The following MTUS1 variants were observed in gnomAD, a reference collection of about 807,000 sequenced individuals.
The protein encoded by MTUS1 is microtubule-associated tumor suppressor 1.
Under a neutral mutation model 120.8 loss-of-function variants are expected in MTUS1, and 109 were observed. The ratio of observed to expected loss-of-function variants is 0.90; its 90% CI spans 0.77 to 1.06. MTUS1 has a LOEUF of 1.06. MTUS1 is among the 50% of genes least tolerant of loss of function. MTUS1 has a pLI of 0.00. For missense variants in MTUS1, 2,210 were observed against 1,486.3 expected (o/e 1.49, Z -8.01); for synonymous variants, 737 against 550.5 (o/e 1.34, Z -4.74).
chr8:17,774,934 A>G (rs898846412), intron 1 of MTUS1, among the ~76,000 whole-genome samples: 9 of 146,758 alleles, frequency 6.1e-5, no homozygotes, highest in African/African-American at 2.2e-4. Context: ...ATTCTGTTAC[A>G]TGCTGCAACA....
chr8:17,668,214 T>A (rs1271710310), intron 8 of MTUS1, among the ~76,000 whole-genome samples: 2 of 152,226 alleles, frequency 1.3e-5, no homozygotes, highest in Non-Finnish European at 2.9e-5. Context: ...TTATGAGATG[T>A]GTGAATTTTT....
At chr8:17,774,205 C>G (rs2050228509) in intron 1 of MTUS1, among the ~76,000 whole-genome samples, 2 of 152,216 alleles carry the variant, frequency 1.3e-5, no homozygotes, top group Non-Finnish European at 2.9e-5. Flanking sequence ...AGGCTGGCCT[C>G]CAATCTGAAA....
chr8:17,659,987 T>C (rs1352293088), intron 8 of MTUS1, among the ~76,000 whole-genome samples: 6 of 152,274 alleles, frequency 3.9e-5, no homozygotes, highest in Admixed American at 2.0e-4. Context: ...ACTTGTCCTG[T>C]TGTGACTGTT....
At chr8:17,747,876 G>A (rs1000731107) in intron 2 of MTUS1, among the ~76,000 whole-genome samples, 1 of 152,158 alleles carries the variant, frequency 6.6e-6, no homozygotes, top group Non-Finnish European at 1.5e-5. Flanking sequence ...GGAGGAGCAA[G>A]ACATGTCTTA....
chr8:17,754,322 T>C lies in MTUS1; in HGVS notation c.1486A>G (p.Lys496Glu). 6.2e-7 allele frequency: 1 copy of C among 1,614,168 alleles called. No individual in the cohort carries two copies. The highest frequency in any genetic ancestry group is 8.5e-7 in the Non-Finnish European group (1 of 1,180,028). Residue 496 changes from lysine to glutamate, a missense_variant, in exon 2 of 15, where the codon AAA (lysine) becomes GAA (glutamate). By Grantham distance (56) the Lys-to-Glu change is moderately conservative (BLOSUM62 1). Transcript: ENST00000693296. ...CTTGGGTAACTTATAATTTCAGTTT[T>C]TCTAACTTTGCAGCCTATTGGGGTA... ...TNTPIGCKVRKTEIISYPRPN... is the reference protein window; with the variant it reads ...TNTPIGCKVRETEIISYPRPN...
At chr8:17,722,575 A>T in intron 4 of MTUS1, 1 of 985,212 alleles carries the variant, frequency 1.0e-6, no homozygotes, top group Non-Finnish European at 1.2e-6. Context: ...TTACTCTCAT[A>T]TGAGTCCAGC....
intron 6 of MTUS1, chr8:17,697,289 C>A (rs1402225717): frequency 1.9e-6 from 3 of 1,613,894 alleles, no homozygotes; most frequent in Admixed American, 1.7e-5. Context: ...TCTCCTAAAC[C>A]CTGAAGGAAG....
At position 17,775,423 on chromosome 8, in the gene MTUS1, G is replaced by T. The variant is rs573585281; in HGVS notation, c.-154-19462C>A. 3.9e-5 allele frequency among the ~76,000 whole-genome samples: 6 copies of T among 152,124 alleles called. No homozygotes were observed. The South Asian group carries it at 8.3e-4, about 21-fold the overall frequency. On this transcript the variant is annotated intron_variant, in intron 1 of 14. Transcript: ENST00000693296. ...TTCAGGCTGCATCATGAGTATCTGA[G>T]ACCTCAAATGCTAAATCCTCAAATG... is the stretch of plus-strand genomic sequence containing the variant.
Position 17,643,840 on chromosome 8 carries a change from T to C in MTUS1, c.*2086A>G, listed in dbSNP as rs1373383342. ...CATTATTTATTTGATCAGAGTAAAA[T>C]ACACTTCCCATCACTACAAACTGAG... is the stretch of plus-strand genomic sequence containing the variant. On this transcript the variant is annotated 3_prime_UTR_variant, in exon 15 of 15. Transcript: ENST00000693296. 1.3e-5 allele frequency: 2 copies of C among 152,210 alleles called. No individual in the cohort carries two copies. The highest frequency in any genetic ancestry group is 2.9e-5 in the Non-Finnish European group (2 of 68,046). The allele number at this position is 152,210 out of a possible 1,614,324, so 9.4% of individuals were successfully genotyped here. A position where few individuals can be genotyped will look rare whatever the true frequency, so the allele number is the denominator to read the frequency against.
chr8:17,742,297 T>G (rs867179455), intron 3 of MTUS1, among the ~76,000 whole-genome samples: 2,562 of 142,220 alleles, frequency 0.018, 139 homozygotes, highest in African/African-American at 0.065. Flanking sequence ...TGTTGTTTTT[T>G]TTTTTTTTTT....
At chr8:17,668,103 CTTCA>C (rs1055457985) in intron 8 of MTUS1, among the ~76,000 whole-genome samples, 2 of 151,990 alleles carry the variant, frequency 1.3e-5, no homozygotes, top group African/African-American at 4.8e-5. Flanking sequence ...ACAAAATAAT[CTTCA>C]TTAATTTAGA....
At chr8:17,787,980 G>C (rs2051446004) in intron 1 of MTUS1, among the ~76,000 whole-genome samples, 1 of 152,180 alleles carries the variant, frequency 6.6e-6, no homozygotes, top group South Asian at 2.1e-4. Context: ...AATTAGCTGG[G>C]CGTGGTGGTG....
At chr8:17,756,558 C>T (rs1322087909) in intron 1 of MTUS1, among the ~76,000 whole-genome samples, 3 of 151,716 alleles carry the variant, frequency 2.0e-5, no homozygotes, top group East Asian at 1.9e-4. Flanking sequence ...AAAAAATTGT[C>T]GATTCTTAAA....
intron 6 of MTUS1, among the ~76,000 whole-genome samples, chr8:17,707,205 G>A (rs1398237995): frequency 6.6e-6 from 1 of 152,086 alleles, no homozygotes; most frequent in African/African-American, 2.4e-5. Context: ...ATCACAGTAG[G>A]GAGAAATCTA....
chr8:17,790,933 G>C (rs969713274), intron 1 of MTUS1, among the ~76,000 whole-genome samples: 3 of 152,116 alleles, frequency 2.0e-5, no homozygotes, highest in Non-Finnish European at 4.4e-5. Flanking sequence ...GTTGCAGTCA[G>C]CCGGATCGTA....
intron 12 of MTUS1, chr8:17,651,823 T>G (rs1018663426): frequency 6.6e-6 from 1 of 152,182 alleles, no homozygotes; most frequent in African/African-American, 2.4e-5. Context: ...ATCCCCTTTG[T>G]GTACCGGAAG....
At chr8:17,759,541 T>C (rs746011366) in intron 1 of MTUS1, among the ~76,000 whole-genome samples, 10 of 149,894 alleles carry the variant, frequency 6.7e-5, no homozygotes, top group Non-Finnish European at 1.3e-4. Context: ...CAAATTGCTA[T>C]ATTTAAAAAG....
intron 1 of MTUS1, among the ~76,000 whole-genome samples, chr8:17,795,946 C>CT (rs890022795): frequency 6.6e-5 from 10 of 150,522 alleles, no homozygotes; most frequent in African/African-American, 2.4e-4. Flanking sequence ...CAAGAACATT[C>CT]TTTTTTTCTG....
chr8:17,742,376 A>C (rs555571775), intron 3 of MTUS1, among the ~76,000 whole-genome samples: 1 of 148,876 alleles, frequency 6.7e-6, no homozygotes, highest in Non-Finnish European at 1.5e-5. Context: ...TGGCTTCCTA[A>C]AGCACTGGGA....
Sources: allele counts gnomAD v4.1 joint callset (sites outside exome capture counted in the v4.1 genomes callset), GRCh38; gene constraint gnomAD v4.1.1; transcripts MANE v1.5; gene names NCBI Gene and HGNC (gene_info 2026-07-23, HGNC 2026-07-21).